Variants in THTPA observed in about 807,000 individuals in gnomAD.
THTPA encodes thiamine-triphosphatase.
In THTPA, 16 loss-of-function variants were observed where a neutral mutation model predicts 16.5. That is an observed-to-expected ratio of 0.97 (90% CI 0.66 to 1.47). The LOEUF (loss-of-function observed/expected upper bound fraction) is 1.47. Among genes scored for constraint, THTPA ranks in the 40% most tolerant of loss-of-function variants. The pLI is 0.00. For missense variants in THTPA, 281 were observed against 280.9 expected (o/e 1.00, Z 0.00); for synonymous variants, 110 against 115.5 (o/e 0.95, Z 0.30).
the THTPA span, among the ~76,000 whole-genome samples, chr14:23,542,582 C>A: frequency 6.6e-6 from 1 of 152,138 alleles, no homozygotes; most frequent in Non-Finnish European, 1.5e-5. Context: ...TTCTCTCGTT[C>A]TACATACCAC....
chr14:23,514,938 C>A, the THTPA span, among the ~76,000 whole-genome samples: 8,067 of 152,044 alleles, frequency 0.053, 493 homozygotes, highest in East Asian at 0.23. Context: ...ATTGCCCCCA[C>A]GAAAGGGATT....
chr14:23,546,044 C>A, the THTPA span, among the ~76,000 whole-genome samples: 1 of 152,226 alleles, frequency 6.6e-6, no homozygotes, highest in Non-Finnish European at 1.5e-5. The surrounding 1 kb of genome is among the most constrained non-coding windows in gnomAD (Gnocchi z 4.7). Flanking sequence ...TTAGCTATGA[C>A]TGGAGGAGGC....
the THTPA span, among the ~76,000 whole-genome samples, chr14:23,550,955 C>T: frequency 1.3e-5 from 2 of 152,014 alleles, no homozygotes; most frequent in African/African-American, 2.4e-5. Context: ...TCACACTCAC[C>T]GGGCCTCCCC....
chr14:23,559,860 G>C lies in THTPA; in HGVS notation c.*1020G>C. 6.2e-7 allele frequency: 1 copy of C among 1,613,978 alleles called. No individual in the cohort carries two copies. Among genetic ancestry groups the C allele is most frequent in the East Asian group, 2.2e-5 (1 of 44,882 alleles). On this transcript the variant is annotated 3_prime_UTR_variant, in exon 2 of 2. Coordinates refer to ENST00000288014, the MANE Select transcript of THTPA (RefSeq NM_024328.6). ...TTAGCCGCAGGGGGGCCTAGGAATA[G>C]GAGAGCAGGGACCAGGGTTAGCACC... is the stretch of plus-strand genomic sequence containing the variant.
chr14:23,529,912 C>G, the THTPA span: 1 of 992,134 alleles, frequency 1.0e-6, no homozygotes, highest in African/African-American at 1.6e-5. Flanking sequence ...GGGCTGACTC[C>G]GGGTCAGTAG....
At chr14:23,522,525 G>A in the THTPA span, 3 of 1,528,838 alleles carry the variant, frequency 2.0e-6, no homozygotes, top group Non-Finnish European at 2.6e-6. Context: ...GGTATCATGG[G>A]GTTCATGGGA....
the THTPA span, among the ~76,000 whole-genome samples, chr14:23,520,412 A>G: frequency 1.3e-5 from 2 of 152,040 alleles, no homozygotes; most frequent in South Asian, 4.1e-4. This position sits in a 1 kb window ranked among gnomAD's most constrained non-coding sequence, Gnocchi z 8.7. Context: ...CAGCAGGGTT[A>G]GGAGTTTGTG....
the THTPA span, chr14:23,526,931 C>A: frequency 6.5e-7 from 1 of 1,532,944 alleles, no homozygotes; most frequent in Admixed American, 2.0e-5. Context: ...AATGTGGGTG[C>A]AGACAGCACT....
At chr14:23,544,352 T>C in the THTPA span, 10 of 151,868 alleles carry the variant, frequency 6.6e-5, no homozygotes, top group Admixed American at 3.9e-4. Flanking sequence ...ATCATTGAGA[T>C]TGGCACTTTG....
At chr14:23,531,414 C>G in the THTPA span, 9 of 1,338,596 alleles carry the variant, frequency 6.7e-6, no homozygotes, top group Non-Finnish European at 8.6e-6. Context: ...ACTCCGCAGC[C>G]CCCCTGCTCC....
At chr14:23,527,586 C>G in the THTPA span, 2 of 1,536,468 alleles carry the variant, frequency 1.3e-6, no homozygotes, top group Non-Finnish European at 1.7e-6. Flanking sequence ...GTACCGTCCT[C>G]ACCCAGCCTG....
At chr14:23,532,992 C>G in the THTPA span, 4 of 1,536,112 alleles carry the variant, frequency 2.6e-6, no homozygotes, top group South Asian at 4.8e-5. Flanking sequence ...GACAGGCTGT[C>G]GTCTGGGGGT....
chr14:23,524,992 T>G, the THTPA span: 1 of 1,536,216 alleles, frequency 6.5e-7, no homozygotes, highest in Non-Finnish European at 8.7e-7. This position sits in a 1 kb window ranked among gnomAD's most constrained non-coding sequence, Gnocchi z 5.6. Context: ...CATTTTTGCG[T>G]GCTTTCTGGC....
At chr14:23,555,968 C>T (rs925751465), upstream of THTPA, 1 of 152,332 alleles carries the variant, frequency 6.6e-6, no homozygotes, top group South Asian at 2.1e-4. Flanking sequence ...GGCAAAGTCT[C>T]CCTTTGGAAC....
the THTPA span, chr14:23,529,651 G>T: frequency 7.0e-7 from 1 of 1,428,470 alleles, no homozygotes; most frequent in Non-Finnish European, 9.5e-7. Context: ...TAGAATATGA[G>T]CAGATCTCAG....
At chr14:23,519,631 C>G in the THTPA span, among the ~76,000 whole-genome samples, 3 of 152,264 alleles carry the variant, frequency 2.0e-5, no homozygotes, top group East Asian at 3.9e-4. Flanking sequence ...AGAAAACTAA[C>G]TCCACCCCAC....
the THTPA span, chr14:23,533,522 G>C: frequency 2.0e-6 from 3 of 1,536,116 alleles, no homozygotes; most frequent in Non-Finnish European, 2.6e-6. This position sits in a 1 kb window ranked among gnomAD's most constrained non-coding sequence, Gnocchi z 4.8. Flanking sequence ...GGCAGCCCCT[G>C]GTGCAGCATT....
upstream of THTPA, chr14:23,555,880 C>A (rs1310021831): frequency 6.6e-6 from 1 of 152,264 alleles, no homozygotes; most frequent in Non-Finnish European, 1.5e-5. Flanking sequence ...GCCTTGTAGC[C>A]CCAGTTCAGC....
chr14:23,516,792 G>A, the THTPA span, among the ~76,000 whole-genome samples: 4 of 152,194 alleles, frequency 2.6e-5, no homozygotes, highest in Non-Finnish European at 5.9e-5. Context: ...ACTTGGTGGG[G>A]ACATCTAGAA....
Sources: gnomAD v4.1 joint callset for allele counts (sites outside exome capture counted in the v4.1 genomes callset) on GRCh38, gnomAD v4.1.1 for gene constraint, Gnocchi (gnomAD v3.1) non-coding constraint, MANE v1.5 for transcripts, NCBI Gene and HGNC (gene_info 2026-07-23, HGNC 2026-07-21) for gene names.